Variants in CD9 observed in about 807,000 individuals in gnomAD.
CD9 encodes CD9 antigen.
CD9 carries 10 observed loss-of-function variants against 31.4 expected under a neutral mutation model. The ratio of observed to expected loss-of-function variants is 0.32; its 90% CI spans 0.20 to 0.54. The LOEUF (loss-of-function observed/expected upper bound fraction) is 0.54, where lower values mean the gene tolerates loss of function less well. Among genes scored for constraint, CD9 ranks in the 20% least tolerant of loss-of-function variants. The probability of loss-of-function intolerance (pLI) is 0.94; values close to 1 mark genes in which losing one functional copy is unlikely to be tolerated. For missense variants in CD9, 259 were observed against 300.1 expected (o/e 0.86, Z 1.01); for synonymous variants, 113 against 114.1 (o/e 0.99, Z 0.06).
At chr12:6,225,358 T>G (rs1019041169) in intron 1 of CD9, 68 bp from the exon 2 acceptor site, 2 of 1,040,936 alleles carry the variant, frequency 1.9e-6, no homozygotes. Flanking sequence ...AGTCTCACCC[T>G]TAAGCGCGTG....
intron 2 of CD9, among the ~76,000 whole-genome samples, chr12:6,227,948 GCT>G (rs1946391073): frequency 6.6e-6 from 1 of 152,208 alleles, no homozygotes; most frequent in Non-Finnish European, 1.5e-5. Flanking sequence ...AGGAGCTGGG[GCT>G]CACCTCTGGG....
intron 1 of CD9, among the ~76,000 whole-genome samples, chr12:6,201,578 C>T (rs1311315862): frequency 6.6e-6 from 1 of 152,206 alleles, no homozygotes. Context: ...GGCTGAGAGG[C>T]GACAGAAGCA....
intron 1 of CD9, among the ~76,000 whole-genome samples, chr12:6,214,798 A>G (rs947610771): frequency 2.6e-5 from 4 of 152,108 alleles, no homozygotes; most frequent in African/African-American, 9.7e-5. Context: ...GCCCTGCTGC[A>G]GGTTGTGGGA....
Position 6,233,460 on chromosome 12 carries a change from A to T in CD9, c.322A>T (p.Ile108Phe). 1 of 1,614,022 alleles carries T rather than the reference A, an allele frequency of 6.2e-7. No individual in the cohort carries two copies. Among genetic ancestry groups the T allele is most frequent in the South Asian group, 1.1e-5 (1 of 91,080 alleles). ...VIFAIEIAAA[I>F]WGYSHKDEVI... ...ATTCGCCATTGAAATAGCTGCGGCC[A>T]TCTGGGGATATTCCCACAAGGATGA... The change falls in exon 4 of 8, where the codon ATC (isoleucine) becomes TTC (phenylalanine). Residue 108 changes from isoleucine to phenylalanine, a missense_variant. Ile to Phe is a conservative substitution (Grantham distance 21, BLOSUM62 0). Transcript: ENST00000009180.
intron 1 of CD9, among the ~76,000 whole-genome samples, chr12:6,207,395 C>A (rs879145046): frequency 1.3e-5 from 2 of 152,186 alleles, no homozygotes; most frequent in Admixed American, 1.3e-4. Context: ...GGACAGCTGG[C>A]CTCCCACCCA....
At chr12:6,229,480 A>C (rs940810970) in intron 2 of CD9, among the ~76,000 whole-genome samples, 15 of 152,206 alleles carry the variant, frequency 9.9e-5, no homozygotes, top group African/African-American at 3.6e-4. Context: ...GCGTGTGGCA[A>C]ATGGAATTCC....
At chr12:6,225,826 G>A (rs560575222) in intron 2 of CD9, 11 of 402,098 alleles carry the variant, frequency 2.7e-5, no homozygotes, top group African/African-American at 4.1e-5. Context: ...GAGGGTTTAC[G>A]AACCTCTGTT....
chr12:6,235,688 C>CA, intron 6 of CD9, 123 bp downstream of exon 6: 1 of 1,442,704 alleles, frequency 6.9e-7, no homozygotes, highest in African/African-American at 1.4e-5. Flanking sequence ...GAAAGGGCCC[C>CA]AGGGCACCCA....
At chr12:6,227,167 G>C (rs1946378723) in intron 2 of CD9, among the ~76,000 whole-genome samples, 1 of 150,730 alleles carries the variant, frequency 6.6e-6, no homozygotes, top group Non-Finnish European at 1.5e-5. Context: ...GATGGAACTG[G>C]GAGGAAGACA....
intron 1 of CD9, among the ~76,000 whole-genome samples, chr12:6,216,292 C>T (rs1457772760): frequency 6.6e-6 from 1 of 152,150 alleles, no homozygotes; most frequent in African/African-American, 2.4e-5. Context: ...TATTTTGGGG[C>T]CTGGAAAACT....
At chr12:6,219,439 G>A (rs939768406) in intron 1 of CD9, among the ~76,000 whole-genome samples, 4 of 152,098 alleles carry the variant, frequency 2.6e-5, no homozygotes, top group Admixed American at 2.6e-4. Flanking sequence ...CAACCTTAAT[G>A]GGGCTTCCTT....
At chr12:6,225,357 C>T (rs1946350462) in intron 1 of CD9, 69 bp from the exon 2 acceptor site, 1 of 1,032,318 alleles carries the variant, frequency 9.7e-7, no homozygotes, top group South Asian at 1.3e-5. Flanking sequence ...AAGTCTCACC[C>T]TTAAGCGCGT....
chr12:6,202,576 C>T (rs1299426584), intron 1 of CD9, among the ~76,000 whole-genome samples: 1 of 152,268 alleles, frequency 6.6e-6, no homozygotes, highest in Admixed American at 6.5e-5. Flanking sequence ...TGCCCCATGG[C>T]ATATGCAGGA....
chr12:6,222,209 C>T (rs1051368611), intron 1 of CD9, among the ~76,000 whole-genome samples: 5 of 152,228 alleles, frequency 3.3e-5, no homozygotes, highest in African/African-American at 9.6e-5. Flanking sequence ...AGCAATGTCT[C>T]CAACAGCGTT....
intron 2 of CD9, among the ~76,000 whole-genome samples, chr12:6,227,625 C>T (rs913958427): frequency 6.6e-6 from 1 of 152,150 alleles, no homozygotes; most frequent in Admixed American, 6.5e-5. Flanking sequence ...GTGCAGAAAC[C>T]GAGGCCTAGA....
intron 2 of CD9, among the ~76,000 whole-genome samples, chr12:6,230,635 C>T (rs1433757847): frequency 6.6e-6 from 1 of 152,228 alleles, no homozygotes; most frequent in African/African-American, 2.4e-5. Flanking sequence ...AAACTGGGGC[C>T]TTTCTACTGT....
At chr12:6,228,558 CAAAAAAAAAAAAAA>C (rs5796224) in intron 2 of CD9, among the ~76,000 whole-genome samples, 2 of 68,356 alleles carry the variant, frequency 2.9e-5, no homozygotes, top group Non-Finnish European at 5.5e-5. Flanking sequence ...GACTCCATCT[CAAAAAAAAAAAAAA>C]AAAAAAAAAC....
rs1946406345 is a variant in CD9 at position 6,229,004 on chromosome 12, A to G, written c.175+3470A>G. ...AGAAAAGCAAGTGAAAACCTTTCCA[A>G]CATTCAGAACAGTCTATGGTAAGTC... On this transcript the variant is annotated intron_variant, in intron 2 of 7. Coordinates refer to ENST00000009180, the MANE Select transcript of CD9 (RefSeq NM_001769.4). Among the ~76,000 whole-genome samples, 4 of 152,242 alleles carry G rather than the reference A, an allele frequency of 2.6e-5. 1 individual carries two copies. In the South Asian group the frequency reaches 8.3e-4, roughly 31 times the overall value.
At chr12:6,213,604 G>A (rs532055405) in intron 1 of CD9, among the ~76,000 whole-genome samples, 4 of 152,332 alleles carry the variant, frequency 2.6e-5, no homozygotes, top group South Asian at 4.1e-4. Context: ...CCTTCCAAAA[G>A]GAAGTTGATT....
Sources: gnomAD v4.1 joint callset for allele counts (sites outside exome capture counted in the v4.1 genomes callset) on GRCh38, gnomAD v4.1.1 for gene constraint, MANE v1.5 for transcripts, NCBI Gene and HGNC (gene_info 2026-07-23, HGNC 2026-07-21) for gene names.